Variants in GPC5 observed in about 807,000 individuals in gnomAD.
GPC5 encodes the protein glypican-5.
In GPC5, 47 loss-of-function variants were observed where a neutral mutation model predicts 53.9. The ratio of observed to expected loss-of-function variants is 0.87; its 90% confidence interval spans 0.69 to 1.11. The LOEUF (loss-of-function observed/expected upper bound fraction) is 1.11. Ranked by LOEUF, GPC5 falls within the 50% of genes most tolerant of loss-of-function variation. GPC5 has a pLI of 0.00. For missense variants in GPC5, 748 were observed against 713.1 expected, an observed-to-expected ratio of 1.05 and a Z score of -0.56; for synonymous variants, 286 against 263.3, an observed-to-expected ratio of 1.09 and a Z score of -0.84.
intron 7 of GPC5, among the ~76,000 whole-genome samples, chr13:92,579,274 C>CCTCT (rs1161169576): frequency 3.2e-3 from 51 of 15,998 alleles, no homozygotes; most frequent in African/African-American, 0.013. Flanking sequence ...TCCCTCCCTC[C>CCTCT]CTCTCTCTCT....
At chr13:92,517,507 G>A (rs12874706) in intron 7 of GPC5, among the ~76,000 whole-genome samples, 21,480 of 152,208 alleles carry the variant, frequency 0.14, 1,999 homozygotes, top group Non-Finnish European at 0.21. Context: ...GAACGATCAC[G>A]CAGCAACATT....
intron 7 of GPC5, among the ~76,000 whole-genome samples, chr13:92,553,763 C>A (rs1396073278): frequency 6.6e-6 from 1 of 151,934 alleles, no homozygotes; most frequent in Admixed American, 6.6e-5. Context: ...GTTTCTTCAA[C>A]TTTATACAAA....
intron 2 of GPC5, among the ~76,000 whole-genome samples, chr13:91,668,771 C>T (rs1052689933): frequency 3.9e-5 from 6 of 152,064 alleles, no homozygotes; most frequent in African/African-American, 7.2e-5. Flanking sequence ...GTGCAAAAAC[C>T]TTTAGCACCC....
chr13:92,156,386 T>G (rs1253789137), intron 7 of GPC5, among the ~76,000 whole-genome samples: 1 of 152,202 alleles, frequency 6.6e-6, no homozygotes, highest in Admixed American at 6.5e-5. Flanking sequence ...AGTTCTCTGC[T>G]GTTTTCACAT....
At position 91,779,353 on chromosome 13, in the gene GPC5, T is replaced by C. The variant is rs138877238; in HGVS notation, c.1280+22933T>C. Among the ~76,000 whole-genome samples the C allele has an allele frequency of 9.8e-3, 1,485 of 152,248 alleles. 20 individuals are homozygous for C. Among genetic ancestry groups the C allele is most frequent in the African/African-American group, 0.034 (1,423 of 41,548 alleles). On this transcript the variant is annotated intron_variant, in intron 5 of 7. Coordinates refer to ENST00000377067, the MANE Select transcript of GPC5 (RefSeq NM_004466.6). ...ATTCTTAGTCTATAGACATTTTTCT[T>C]TTTTCTTTTTTTTTACTTTTGTTTT...
rs2042013634 is a variant in GPC5 at position 92,164,569 on chromosome 13, C to G, written c.1561+19580C>G. 2.6e-5 allele frequency among the ~76,000 whole-genome samples: 4 copies of G among 152,164 alleles called. No homozygotes were observed. The South Asian group carries it at 8.3e-4, about 31-fold the overall frequency. ...TCCTTCGACTTTGCAGGATACAGGC[C>G]CTCCGTCCTGACTGCTTTCACAGGC... On this transcript the variant is annotated intron_variant, in intron 7 of 7. Transcript: ENST00000377067.
intron 7 of GPC5, among the ~76,000 whole-genome samples, chr13:92,740,461 G>T (rs192727083): frequency 6.6e-6 from 1 of 152,048 alleles, no homozygotes; most frequent in Non-Finnish European, 1.5e-5. Context: ...CTGTCCAATT[G>T]TGAAATAGAG....
chr13:91,463,216 C>T (rs1363677800), intron 2 of GPC5, among the ~76,000 whole-genome samples: 1 of 152,102 alleles, frequency 6.6e-6, no homozygotes, highest in African/African-American at 2.4e-5. Flanking sequence ...CTTAATGCAA[C>T]ACCTCTACAT....
At chr13:92,617,552 A>G (rs1389320871) in intron 7 of GPC5, among the ~76,000 whole-genome samples, 1 of 152,102 alleles carries the variant, frequency 6.6e-6, no homozygotes, top group Non-Finnish European at 1.5e-5. Context: ...TGAGTCTCTT[A>G]ACTGCCACTC....
chr13:92,311,058 G>A (rs2043141845), intron 7 of GPC5, among the ~76,000 whole-genome samples: 1 of 152,004 alleles, frequency 6.6e-6, no homozygotes. Context: ...AAATAAAATT[G>A]AAAGATTCAC....
chr13:92,083,961 T>C (rs971373653), intron 6 of GPC5, among the ~76,000 whole-genome samples: 7 of 152,244 alleles, frequency 4.6e-5, no homozygotes, highest in African/African-American at 1.7e-4. Flanking sequence ...AATGAGATCA[T>C]GTCCTTTGCA....
rs368936632 is a variant in GPC5, at chr13:91,487,912, A to T, written c.325+38990A>T. Among the ~76,000 whole-genome samples, 5 of 136,792 alleles carry T rather than the reference A, an allele frequency of 3.7e-5. No individual in the cohort carries two copies. The East Asian group carries it at 8.9e-4, about 24-fold the overall frequency. 89.7% of individuals were successfully genotyped at this position (136,792 alleles called of 152,430 possible). A position where few individuals can be genotyped will look rare whatever the true frequency, so the allele number is the denominator to read the frequency against. On this transcript the variant is annotated intron_variant, in intron 2 of 7. Transcript: ENST00000377067. ...GAGAATACCATGTGTACATTTGAAC[A>T]CTGGACATTTAAACAGGTTTTTTTT...
intron 2 of GPC5, among the ~76,000 whole-genome samples, chr13:91,639,031 G>A (rs1341982501): frequency 2.0e-5 from 3 of 152,166 alleles, no homozygotes; most frequent in African/African-American, 7.2e-5. Context: ...TTGCATGAGC[G>A]AGTATATGAA....
chr13:92,838,496 A>T (rs911003884), intron 7 of GPC5, among the ~76,000 whole-genome samples: 1 of 151,008 alleles, frequency 6.6e-6, no homozygotes, highest in East Asian at 2.0e-4. Context: ...CCCAAAAAAA[A>T]AAAGAAAAAA....
intron 7 of GPC5, among the ~76,000 whole-genome samples, chr13:92,149,381 G>C (rs1180406105): frequency 2.6e-5 from 4 of 152,036 alleles, no homozygotes; most frequent in African/African-American, 7.2e-5. Flanking sequence ...TATTGGAACA[G>C]AAAGTATCTG....
chr13:91,527,171 C>G (rs549900910), intron 2 of GPC5, among the ~76,000 whole-genome samples: 21 of 152,168 alleles, frequency 1.4e-4, no homozygotes, highest in Non-Finnish European at 2.9e-4. Flanking sequence ...AAGTCCAAGT[C>G]CAAAGTGTCA....
chr13:91,496,034 A>T (rs28524760), intron 2 of GPC5, among the ~76,000 whole-genome samples: 1 of 145,042 alleles, frequency 6.9e-6, no homozygotes, highest in Non-Finnish European at 1.5e-5. Flanking sequence ...AAAAAAATAA[A>T]AAATAAAAAA....
At chr13:92,411,271 A>G (rs1012806026) in intron 7 of GPC5, among the ~76,000 whole-genome samples, 6 of 151,986 alleles carry the variant, frequency 3.9e-5, no homozygotes, top group African/African-American at 1.5e-4. Context: ...CTCTATCTCA[A>G]AAAGATAAAA....
chr13:91,414,519 A>C (rs1594056049), intron 1 of GPC5, among the ~76,000 whole-genome samples: 1 of 152,176 alleles, frequency 6.6e-6, no homozygotes, highest in African/African-American at 2.4e-5. Context: ...TAAACTGTTC[A>C]CACTTTAAGA....
Sources: gnomAD v4.1 joint callset for allele counts (sites outside exome capture counted in the v4.1 genomes callset) on GRCh38, gnomAD v4.1.1 for gene constraint, MANE v1.5 for transcripts, NCBI Gene and HGNC (gene_info 2026-07-23, HGNC 2026-07-21) for gene names.